Variants in NHS observed in about 807,000 individuals in gnomAD.
NHS encodes actin remodeling regulator NHS.
NHS carries 5 observed loss-of-function variants against 72.5 expected under a neutral mutation model. The ratio of observed to expected loss-of-function variants is 0.07; its 90% CI spans 0.04 to 0.14. NHS has a LOEUF of 0.14. Among genes scored for constraint, NHS ranks in the 10% least tolerant of loss-of-function variants. The probability of loss-of-function intolerance (pLI) is 1.00; values close to 1 mark genes in which losing one functional copy is unlikely to be tolerated. For missense variants in NHS, 1,072 were observed against 1,355.7 expected (o/e 0.79, Z 3.29); for synonymous variants, 464 against 547.7 (o/e 0.85, Z 2.13).
intron 1 of NHS, among the ~76,000 whole-genome samples, chrX:17,523,649 C>T (rs950347541): frequency 5.4e-5 from 6 of 111,272 alleles, no homozygotes; most frequent in African/African-American, 2.0e-4. Flanking sequence ...GGGCGGCATC[C>T]AGTAAATACC....
At chrX:17,401,864 A>C (rs1004434428) in intron 1 of NHS, among the ~76,000 whole-genome samples, 13 of 112,091 alleles carry the variant, frequency 1.2e-4, no homozygotes, top group African/African-American at 3.9e-4. Flanking sequence ...CAAAGACCCT[A>C]TTACCAAGTG....
At chrX:17,637,509 C>T (rs2065857106) in intron 1 of NHS, among the ~76,000 whole-genome samples, 1 of 111,413 alleles carries the variant, frequency 9.0e-6, no homozygotes, top group South Asian at 3.8e-4. Context: ...TCATGGTACT[C>T]CTGCCAACTC....
intron 1 of NHS, among the ~76,000 whole-genome samples, chrX:17,680,110 G>A (rs1457817168): frequency 8.9e-6 from 1 of 112,392 alleles, no homozygotes; most frequent in Non-Finnish European, 1.9e-5. Context: ...GAGCTGAAGT[G>A]CACCTGGAAT....
At position 17,482,138 on chromosome X, in the gene NHS, T is replaced by C. The variant is rs972483864; in HGVS notation, c.565+105816T>C. Among the ~76,000 whole-genome samples, 3 of 111,848 alleles carry C rather than the reference T, an allele frequency of 2.7e-5. No individual in the cohort carries two copies. The South Asian group carries it at 1.1e-3, about 42-fold the overall frequency. On this transcript the variant is annotated intron_variant, in intron 1 of 8. Coordinates refer to ENST00000676302, the MANE Select transcript of NHS (RefSeq NM_001291867.2). ...TAATAATATTTAGCTCAAAGGTTTG[T>C]GGAGAAAAACAAAAGGACTGCTTCA...
chrX:17,426,763 G>A (rs1424886023), intron 1 of NHS, among the ~76,000 whole-genome samples: 2 of 111,633 alleles, frequency 1.8e-5, no homozygotes, highest in Non-Finnish European at 3.8e-5. Context: ...CAGCATGAAT[G>A]AGCAGGGTGC....
At chrX:17,493,877 A>G (rs2065001376) in intron 1 of NHS, among the ~76,000 whole-genome samples, 1 of 110,628 alleles carries the variant, frequency 9.0e-6, no homozygotes, top group South Asian at 3.9e-4. Context: ...GACTTCCAAG[A>G]TATTACCAAC....
At chrX:17,663,276 T>C (rs1319437591) in intron 1 of NHS, among the ~76,000 whole-genome samples, 1 of 111,816 alleles carries the variant, frequency 8.9e-6, no homozygotes, top group Non-Finnish European at 1.9e-5. Context: ...TATGCATAAG[T>C]CTTAAGTGTT....
chrX:17,497,927 G>T (rs1485496828), intron 1 of NHS, among the ~76,000 whole-genome samples: 1 of 111,966 alleles, frequency 8.9e-6, no homozygotes, highest in Non-Finnish European at 1.9e-5. Context: ...TATGGCACAT[G>T]GGGGAAAAGG....
intron 1 of NHS, among the ~76,000 whole-genome samples, chrX:17,646,513 C>T (rs1455879630): frequency 9.0e-6 from 1 of 111,676 alleles, no homozygotes; most frequent in Non-Finnish European, 1.9e-5. Context: ...AACAAGGAAA[C>T]CTTCCCTCCC....
At chrX:17,469,093 G>C in intron 1 of NHS, among the ~76,000 whole-genome samples, 1 of 111,488 alleles carries the variant, frequency 9.0e-6, no homozygotes, top group Non-Finnish European at 1.9e-5. Context: ...TTTTATACCT[G>C]GTCTCTTTTG....
intron 1 of NHS, among the ~76,000 whole-genome samples, chrX:17,677,640 C>T (rs921473136): frequency 4.5e-5 from 5 of 110,937 alleles, no homozygotes; most frequent in Admixed American, 9.6e-5. Flanking sequence ...AATGTGGCCT[C>T]GACAGGGGTT....
At chrX:17,380,393 T>TC (rs2064370914) in intron 1 of NHS, among the ~76,000 whole-genome samples, 2 of 104,993 alleles carry the variant, frequency 1.9e-5, no homozygotes, top group African/African-American at 7.0e-5. Flanking sequence ...TTTTTTTTTT[T>TC]CACTCTATCA....
At chrX:17,547,716 T>C (rs2065300860) in intron 1 of NHS, among the ~76,000 whole-genome samples, 1 of 112,640 alleles carries the variant, frequency 8.9e-6, no homozygotes, top group African/African-American at 3.2e-5. Flanking sequence ...GTAATGCAGG[T>C]GTTTCTGTTA....
At chrX:17,448,896 C>T (rs752654693) in intron 1 of NHS, among the ~76,000 whole-genome samples, 2 of 112,417 alleles carry the variant, frequency 1.8e-5, no homozygotes, top group East Asian at 5.6e-4. Flanking sequence ...AGGGTATTGT[C>T]TAGATGATAA....
intron 1 of NHS, among the ~76,000 whole-genome samples, chrX:17,648,511 G>A (rs1464052899): frequency 8.9e-6 from 1 of 112,567 alleles, no homozygotes; most frequent in Non-Finnish European, 1.9e-5. Flanking sequence ...TTGCTGGGAA[G>A]AGCTGAAAAG....
chrX:17,636,496 G>T (rs756708855), intron 1 of NHS, among the ~76,000 whole-genome samples: 4 of 112,376 alleles, frequency 3.6e-5, no homozygotes, highest in Non-Finnish European at 7.5e-5. Flanking sequence ...GCGCTATTAG[G>T]TTGTTCTGCA....
At chrX:17,454,749 A>G (rs767246084) in intron 1 of NHS, among the ~76,000 whole-genome samples, 1 of 111,711 alleles carries the variant, frequency 9.0e-6, no homozygotes, top group East Asian at 2.8e-4. Context: ...GAAGAACAAA[A>G]TTTTATGAGT....
chrX:17,487,911 GCT>G (rs2064973800), intron 1 of NHS, among the ~76,000 whole-genome samples: 2 of 111,721 alleles, frequency 1.8e-5, no homozygotes, highest in Non-Finnish European at 3.8e-5. Context: ...TGTGCTTGCT[GCT>G]CTCTGCAGTG....
intron 1 of NHS, among the ~76,000 whole-genome samples, chrX:17,524,441 G>A (rs951281597): frequency 6.3e-5 from 7 of 111,858 alleles, no homozygotes; most frequent in African/African-American, 2.3e-4. Flanking sequence ...TTTTCTTAAG[G>A]TTCACAATCT....
Sources: allele counts gnomAD v4.1 joint callset (sites outside exome capture counted in the v4.1 genomes callset), GRCh38; gene constraint gnomAD v4.1.1; transcripts MANE v1.5; gene names NCBI Gene and HGNC (gene_info 2026-07-23, HGNC 2026-07-21).